Variants in THRB observed in about 807,000 individuals in gnomAD.
THRB encodes the protein nuclear receptor subfamily 1 group A member 2.
In THRB, 12 loss-of-function variants were observed where a neutral mutation model predicts 47.8. That is an observed-to-expected ratio of 0.25 (90% CI 0.16 to 0.41). The LOEUF is 0.41. THRB is among the 10% of genes least tolerant of loss of function. The pLI is 1.00. For synonymous variants in THRB, 218 were observed against 212.2 expected, an observed-to-expected ratio of 1.03 and a Z score of -0.24; for missense variants, 348 against 589.2, an observed-to-expected ratio of 0.59 and a Z score of 4.24.
chr3:24,493,846 G>A (rs1167204837), intron 1 of THRB, among the ~76,000 whole-genome samples: 1 of 152,168 alleles, frequency 6.6e-6, no homozygotes, highest in Non-Finnish European at 1.5e-5. Flanking sequence ...ATGGTCATTG[G>A]GAAATCCTCC....
intron 1 of THRB, among the ~76,000 whole-genome samples, chr3:24,367,343 A>G (rs749644928): frequency 7.9e-5 from 12 of 152,200 alleles, no homozygotes; most frequent in Non-Finnish European, 1.5e-4. Context: ...TTTATGTATC[A>G]AACCTCTTTG....
chr3:24,252,677 T>G (rs1175607749), intron 3 of THRB, among the ~76,000 whole-genome samples: 2 of 151,506 alleles, frequency 1.3e-5, no homozygotes, highest in East Asian at 3.9e-4. Context: ...AGGAACTAGT[T>G]AAATAAACCA....
intron 5 of THRB, among the ~76,000 whole-genome samples, chr3:24,180,269 T>A (rs908477987): frequency 2.6e-5 from 4 of 152,224 alleles, no homozygotes; most frequent in African/African-American, 7.2e-5. Flanking sequence ...CTGTACTAGA[T>A]GTCTGAGGCA....
chr3:24,463,866 C>T (rs2073904533), intron 1 of THRB, among the ~76,000 whole-genome samples: 1 of 152,238 alleles, frequency 6.6e-6, no homozygotes, highest in Admixed American at 6.5e-5. Flanking sequence ...AGTGCCACCA[C>T]TGATGACACT....
At chr3:24,179,171 C>T (rs2041573246) in intron 5 of THRB, among the ~76,000 whole-genome samples, 1 of 152,216 alleles carries the variant, frequency 6.6e-6, no homozygotes, top group Non-Finnish European at 1.5e-5. Flanking sequence ...CAAGTCCTCT[C>T]TCCAGCTCTG....
chr3:24,144,849 G>A (rs966826914), intron 7 of THRB: 2 of 152,006 alleles, frequency 1.3e-5, no homozygotes, highest in East Asian at 1.9e-4. Flanking sequence ...CCTGACTCCA[G>A]TTCTACGACA....
intron 1 of THRB, among the ~76,000 whole-genome samples, chr3:24,428,654 T>C (rs1303246657): frequency 6.6e-6 from 1 of 151,996 alleles, no homozygotes; most frequent in Non-Finnish European, 1.5e-5. Context: ...ATGCTGAGCT[T>C]ATCAAAATGC....
chr3:24,270,002 T>TATGC (rs1343197469), intron 3 of THRB, among the ~76,000 whole-genome samples: 1 of 152,206 alleles, frequency 6.6e-6, no homozygotes, highest in East Asian at 1.9e-4. Context: ...AAAATTAAAC[T>TATGC]ATGCTATTTA....
At chr3:24,227,499 A>G (rs1415404145) in intron 4 of THRB, among the ~76,000 whole-genome samples, 1 of 152,128 alleles carries the variant, frequency 6.6e-6, no homozygotes. Context: ...AAGATATGTG[A>G]TTCCGATGCC....
chr3:24,251,924 A>G (rs188568231), intron 3 of THRB, among the ~76,000 whole-genome samples: 1 of 152,276 alleles, frequency 6.6e-6, no homozygotes, highest in Admixed American at 6.5e-5. Flanking sequence ...AAATATCAGC[A>G]AATGACTCTT....
intron 3 of THRB, among the ~76,000 whole-genome samples, chr3:24,279,987 G>A (rs1006731206): frequency 6.6e-6 from 1 of 152,160 alleles, no homozygotes; most frequent in African/African-American, 2.4e-5. Context: ...GGGGTCCATA[G>A]ACTTCACCAG....
At chr3:24,187,626 A>C (rs1255805078) in intron 5 of THRB, among the ~76,000 whole-genome samples, 2 of 152,240 alleles carry the variant, frequency 1.3e-5, no homozygotes, top group East Asian at 3.8e-4. Flanking sequence ...GTGAATGCAT[A>C]GATTACTAGC....
chr3:24,490,446 A>AC (rs2125959786), intron 1 of THRB, among the ~76,000 whole-genome samples: 1 of 152,266 alleles, frequency 6.6e-6, no homozygotes, highest in South Asian at 2.1e-4. Context: ...TGCCTTTTCT[A>AC]CCCTTCCATT....
intron 5 of THRB, among the ~76,000 whole-genome samples, chr3:24,179,700 T>G (rs2041643561): frequency 6.6e-6 from 1 of 152,210 alleles, no homozygotes; most frequent in Non-Finnish European, 1.5e-5. Flanking sequence ...ACTCAGAAAG[T>G]AAGCAGATTT....
intron 1 of THRB, among the ~76,000 whole-genome samples, chr3:24,463,902 C>T (rs1439776324): frequency 1.3e-5 from 2 of 152,200 alleles, no homozygotes; most frequent in African/African-American, 4.8e-5. Flanking sequence ...TAAATGCTAT[C>T]CCCTTTGTAA....
At chr3:24,413,113 T>C (rs1427343255) in intron 1 of THRB, among the ~76,000 whole-genome samples, 1 of 151,842 alleles carries the variant, frequency 6.6e-6, no homozygotes, top group Non-Finnish European at 1.5e-5. Flanking sequence ...AATCTCAAAA[T>C]ATGGAAGAAC....
chr3:24,278,079 C>A (rs2054124684), intron 3 of THRB, among the ~76,000 whole-genome samples: 1 of 151,954 alleles, frequency 6.6e-6, no homozygotes. Context: ...TTAAAGAAAT[C>A]CATAATAATG....
chr3:24,353,819 G>A (rs1347575289), intron 1 of THRB, among the ~76,000 whole-genome samples: 1 of 151,988 alleles, frequency 6.6e-6, no homozygotes, highest in East Asian at 1.9e-4. Flanking sequence ...ATTTAATAAA[G>A]CACATATGCA....
intron 4 of THRB, among the ~76,000 whole-genome samples, chr3:24,193,097 T>C (rs1302386197): frequency 6.6e-6 from 1 of 152,190 alleles, no homozygotes; most frequent in Non-Finnish European, 1.5e-5. Flanking sequence ...CTACTGGATA[T>C]ACTGTTGTTG....
Sources: gnomAD v4.1 joint callset for allele counts (sites outside exome capture counted in the v4.1 genomes callset) on GRCh38, gnomAD v4.1.1 for gene constraint, MANE v1.5 for transcripts, NCBI Gene and HGNC (gene_info 2026-07-23, HGNC 2026-07-21) for gene names.